FAM184A: variants seen among roughly 807,000 people sequenced by gnomAD.
FAM184A encodes protein FAM184A.
In FAM184A, 99 loss-of-function variants were observed where a neutral mutation model predicts 143.8. That is an observed-to-expected ratio of 0.69 (90% confidence interval 0.58 to 0.81). FAM184A has a LOEUF of 0.81. Ranked by LOEUF, FAM184A falls within the 40% of genes least tolerant of loss-of-function variation. FAM184A has a pLI of 0.00. For missense variants in FAM184A, 1,217 were observed against 1,310.5 expected, an observed-to-expected ratio of 0.93 and a Z score of 1.10; for synonymous variants, 427 against 446.4, an observed-to-expected ratio of 0.96 and a Z score of 0.55.
At position 119,002,836 on chromosome 6, in the gene FAM184A, T is replaced by C; in HGVS notation, c.2088+63A>G. On this transcript the variant is annotated intron_variant, in intron 9 of 17. Transcript: ENST00000338891. Reference sequence around the variant, plus strand: ...TCAGTGAATTAACAGAGTTTTACAATATTTGCCTAGCCAGAGAATGTCAAG... The same window carrying C: ...TCAGTGAATTAACAGAGTTTTACAACATTTGCCTAGCCAGAGAATGTCAAG... The C allele has an allele frequency of 4.3e-6, 6 of 1,403,868 alleles. No individual in the cohort carries two copies. In the South Asian group the frequency reaches 9.3e-5, roughly 22 times the overall value. 87.0% of individuals were successfully genotyped at this position (1,403,868 alleles called of 1,614,324 possible).
At chr6:118,981,091 A>AT (rs1307732564) in intron 9 of FAM184A, among the ~76,000 whole-genome samples, 1 of 152,120 alleles carries the variant, frequency 6.6e-6, no homozygotes, top group Non-Finnish European at 1.5e-5. Context: ...TGGAAAACTG[A>AT]TTTGTCACTC....
rs1259836694 is a variant in FAM184A at position 118,966,941 on chromosome 6, ATTTC to A, written c.2923_2926del (p.Glu975TrpfsTer6). ...TTCTCTCATTAGATATTTTTCTTCC[ATTTC>A]TTCTAATCTGAAAACAAGAAAGACT... On this transcript the variant is annotated frameshift_variant, in exon 15 of 18. Coordinates refer to ENST00000338891, the MANE Select transcript of FAM184A (RefSeq NM_024581.6). LOFTEE classifies it high-confidence loss of function. 4.7e-6 allele frequency: 7 copies of A among 1,480,410 alleles called. No homozygotes were observed. The highest frequency in any genetic ancestry group is 1.2e-5 in the South Asian group (1 of 85,756). The allele number at this position is 1,480,410 out of a possible 1,614,324, so 91.7% of individuals were successfully genotyped here.
chr6:119,067,069 T>C (rs1787476737), intron 1 of FAM184A, among the ~76,000 whole-genome samples: 1 of 152,214 alleles, frequency 6.6e-6, no homozygotes, highest in East Asian at 1.9e-4. Flanking sequence ...CCTGGAATCA[T>C]TTACATATTT....
At chr6:119,089,732 G>T (rs1354235274) in intron 1 of FAM184A, among the ~76,000 whole-genome samples, 1 of 152,164 alleles carries the variant, frequency 6.6e-6, no homozygotes, top group African/African-American at 2.4e-5. Context: ...GCCTAAATAA[G>T]GTGGTTCTTG....
intron 1 of FAM184A, among the ~76,000 whole-genome samples, chr6:119,069,369 T>C (rs1338655016): frequency 6.6e-6 from 1 of 152,172 alleles, no homozygotes; most frequent in Non-Finnish European, 1.5e-5. Flanking sequence ...AGAATACTAT[T>C]TAGTATTTTG....
At chr6:119,132,674 G>A (rs981771780) in intron 1 of FAM184A, among the ~76,000 whole-genome samples, 5 of 152,152 alleles carry the variant, frequency 3.3e-5, no homozygotes, top group African/African-American at 1.2e-4. Flanking sequence ...CATTTCTAAC[G>A]GACTTACAGC....
chr6:119,093,021 G>A (rs183687275), intron 1 of FAM184A, among the ~76,000 whole-genome samples: 4 of 152,160 alleles, frequency 2.6e-5, no homozygotes, highest in East Asian at 1.9e-4. Context: ...TCTGGCCTTC[G>A]ATGTTTAAGT....
At chr6:119,010,908 A>G (rs1254887603) in intron 6 of FAM184A, among the ~76,000 whole-genome samples, 3 of 152,168 alleles carry the variant, frequency 2.0e-5, no homozygotes, top group Admixed American at 6.5e-5. Context: ...TCTAGTCTTA[A>G]AAGGGCAATG....
intron 1 of FAM184A, among the ~76,000 whole-genome samples, chr6:119,105,893 A>T (rs1788764324): frequency 6.6e-6 from 1 of 152,194 alleles, no homozygotes; most frequent in African/African-American, 2.4e-5. Flanking sequence ...GTTAGTTGGC[A>T]AACATTAATT....
chr6:119,060,905 A>C (rs1461838735), intron 1 of FAM184A, among the ~76,000 whole-genome samples: 1 of 152,236 alleles, frequency 6.6e-6, no homozygotes, highest in Non-Finnish European at 1.5e-5. Context: ...TACAACCTGC[A>C]GAACCATGAA....
chr6:119,039,106 G>A (rs1163628619), intron 1 of FAM184A, among the ~76,000 whole-genome samples: 2 of 152,074 alleles, frequency 1.3e-5, no homozygotes, highest in South Asian at 2.1e-4. Flanking sequence ...AAGATGTCAC[G>A]ACACACATAT....
At chr6:119,081,169 A>G (rs1044065297), upstream of FAM184A, among the ~76,000 whole-genome samples, 1 of 152,214 alleles carries the variant, frequency 6.6e-6, no homozygotes, top group African/African-American at 2.4e-5. Flanking sequence ...AGCAAGACAC[A>G]TCCTACATGG....
intron 1 of FAM184A, among the ~76,000 whole-genome samples, chr6:119,146,498 A>G (rs1261057991): frequency 3.3e-5 from 5 of 151,558 alleles, no homozygotes; most frequent in African/African-American, 1.2e-4. Context: ...TGACGTGATC[A>G]CAGCCCACTG....
intron 1 of FAM184A, among the ~76,000 whole-genome samples, chr6:119,123,119 G>T (rs1185399798): frequency 6.6e-6 from 1 of 151,596 alleles, no homozygotes; most frequent in African/African-American, 2.4e-5. Context: ...GCGGGGGGAT[G>T]GTTCACACCG....
chr6:118,967,082 C>T (rs969135569), intron 14 of FAM184A, 130 bp from the exon 15 acceptor site: 1 of 523,076 alleles, frequency 1.9e-6, no homozygotes, highest in Non-Finnish European at 3.4e-6. Context: ...TTCCTTAAAA[C>T]TTTTAAGCAT....
chr6:119,022,128 G>A (rs528843950), intron 3 of FAM184A, among the ~76,000 whole-genome samples: 3 of 139,664 alleles, frequency 2.1e-5, no homozygotes, highest in Non-Finnish European at 1.5e-5. Flanking sequence ...GCGCAATCTC[G>A]GCTCACTGCA....
rs370294583 is a variant in FAM184A, at chr6:119,123,110, C to T, written c.-202+25968G>A. 5.3e-5 allele frequency among the ~76,000 whole-genome samples: 8 copies of T among 150,680 alleles called. No individual in the cohort carries two copies. The East Asian group carries it at 7.9e-4, about 15-fold the overall frequency. On this transcript the variant is annotated intron_variant, in intron 1 of 16. Transcript: ENST00000352896. Reference sequence around the variant, plus strand: ...TCTCAGGCAAAACAGTAGGGGCAGGCGGGGGGATGGTTCACACCGGTAATC... The same window carrying T: ...TCTCAGGCAAAACAGTAGGGGCAGGTGGGGGGATGGTTCACACCGGTAATC...
chr6:119,092,857 CT>C (rs1292531770), intron 1 of FAM184A, among the ~76,000 whole-genome samples: 7 of 152,062 alleles, frequency 4.6e-5, no homozygotes, highest in African/African-American at 1.7e-4. Flanking sequence ...CCTGTTTTTA[CT>C]TTTTTTCTGG....
Position 119,024,233 on chromosome 6 carries a change from T to A in FAM184A, c.740A>T (p.Asp247Val). ...LRLERKKLIE[D>V]YEGKLNKAQS... is the part of the protein sequence containing the mutation. ...AGCTTTATTCAACTTGCCTTCATAA[T>A]CCTCAATTAGTTTCTTCCGTTCAAG... Residue 247 changes from aspartate to valine, a missense_variant, in exon 2 of 18, where the codon GAT becomes GTT. Physicochemically the swap from Asp to Val is radical, Grantham distance 152. Transcript: ENST00000338891. 6.2e-7 allele frequency: 1 copy of A among 1,614,222 alleles called. No homozygotes were observed. The highest frequency in any genetic ancestry group is 8.5e-7 in the Non-Finnish European group (1 of 1,180,050).
Sources: allele counts gnomAD v4.1 joint callset (sites outside exome capture counted in the v4.1 genomes callset), GRCh38; gene constraint gnomAD v4.1.1; transcripts MANE v1.5; gene names NCBI Gene and HGNC (gene_info 2026-07-23, HGNC 2026-07-21).